RBFOX1: variants seen among roughly 807,000 people sequenced by gnomAD.
RBFOX1 encodes RNA binding fox-1 homolog 1.
RBFOX1 carries 8 observed loss-of-function variants against 57.7 expected under a neutral mutation model. The observed-to-expected ratio is 0.14, with a 90% CI of 0.08 to 0.25. The LOEUF (loss-of-function observed/expected upper bound fraction) is 0.25. Among genes scored for constraint, RBFOX1 ranks in the 10% least tolerant of loss-of-function variants. The pLI is 1.00. For missense variants in RBFOX1, 611 were observed against 548.5 expected, an observed-to-expected ratio of 1.11 and a Z score of -1.14; for synonymous variants, 326 against 222.4, an observed-to-expected ratio of 1.47 and a Z score of -4.15.
At chr16:7,050,153 G>C (rs78865540) in intron 3 of RBFOX1, among the ~76,000 whole-genome samples, 1 of 122,724 alleles carries the variant, frequency 8.1e-6, no homozygotes, top group African/African-American at 4.3e-5. Context: ...TTCAATGTGG[G>C]CTTTTTTTTT....
intron 3 of RBFOX1, among the ~76,000 whole-genome samples, chr16:5,712,795 A>G (rs1007230246): frequency 6.6e-6 from 1 of 152,192 alleles, no homozygotes; most frequent in African/African-American, 2.4e-5. Flanking sequence ...TCTGATCTGC[A>G]TTCCTAGTTT....
intron 3 of RBFOX1, among the ~76,000 whole-genome samples, chr16:5,816,050 G>A (rs2055622486): frequency 6.6e-6 from 1 of 152,202 alleles, no homozygotes; most frequent in Non-Finnish European, 1.5e-5. Context: ...GCTCTGGCTA[G>A]GGCTGATAAG....
At chr16:5,776,731 AC>A (rs748954087) in intron 3 of RBFOX1, among the ~76,000 whole-genome samples, 1 of 152,152 alleles carries the variant, frequency 6.6e-6, no homozygotes, top group Non-Finnish European at 1.5e-5. Flanking sequence ...TGCCTCCAAC[AC>A]CCACAGTGAT....
At chr16:6,223,015 A>G (rs1189078671) in intron 1 of RBFOX1, among the ~76,000 whole-genome samples, 1 of 149,776 alleles carries the variant, frequency 6.7e-6, no homozygotes, top group Non-Finnish European at 1.5e-5. Flanking sequence ...CCATGTCCCT[A>G]CAAAGGACAT....
At chr16:6,241,637 C>T (rs934358135) in intron 1 of RBFOX1, among the ~76,000 whole-genome samples, 1 of 152,172 alleles carries the variant, frequency 6.6e-6, no homozygotes, top group African/African-American at 2.4e-5. Flanking sequence ...AATAGAGTTG[C>T]AACTACAGGG....
chr16:7,211,166 G>A (rs1001238204), intron 4 of RBFOX1, among the ~76,000 whole-genome samples: 2 of 151,446 alleles, frequency 1.3e-5, no homozygotes, highest in African/African-American at 4.9e-5. Context: ...CCGAGGTGGG[G>A]GGATCATGAG....
intron 2 of RBFOX1, among the ~76,000 whole-genome samples, chr16:6,597,447 G>A (rs2097787731): frequency 6.6e-6 from 1 of 152,196 alleles, no homozygotes; most frequent in Non-Finnish European, 1.5e-5. Context: ...GCCGAGGTGG[G>A]CGGATCACAA....
intron 4 of RBFOX1, among the ~76,000 whole-genome samples, chr16:5,937,260 G>T (rs1264909407): frequency 6.6e-6 from 1 of 152,158 alleles, no homozygotes; most frequent in South Asian, 2.1e-4. Context: ...GGATTTACAG[G>T]AGCAAAGGCA....
chr16:7,218,628 C>CTGTGTGTGTGTGTG (rs60333818), intron 4 of RBFOX1, among the ~76,000 whole-genome samples: 68 of 127,530 alleles, frequency 5.3e-4, no homozygotes, highest in Admixed American at 8.2e-4. Flanking sequence ...TGGGGGTTTG[C>CTGTGTGTGTGTGTG]TGTGTGTGTG....
At chr16:7,026,757 A>C (rs746175628) in intron 3 of RBFOX1, among the ~76,000 whole-genome samples, 4 of 152,160 alleles carry the variant, frequency 2.6e-5, no homozygotes, top group Non-Finnish European at 5.9e-5. Context: ...CGAGGCCTCA[A>C]CTTTGTGCTG....
intron 5 of RBFOX1, among the ~76,000 whole-genome samples, chr16:7,547,378 T>G (rs1243414868): frequency 6.6e-6 from 1 of 152,234 alleles, no homozygotes; most frequent in Non-Finnish European, 1.5e-5. Context: ...CCACAGTTTC[T>G]GCAAACATAA....
At chr16:7,695,088 A>G (rs78473543) in intron 14 of RBFOX1, among the ~76,000 whole-genome samples, 5,785 of 152,262 alleles carry the variant, frequency 0.038, 137 homozygotes, top group Non-Finnish European at 0.055. Context: ...CATCTACCTA[A>G]TCTAGATGGC....
Position 5,335,699 on chromosome 16 carries a change from C to T in RBFOX1, c.219+95594C>T, listed in dbSNP as rs546505384. Among the ~76,000 whole-genome samples, 3 of 152,180 alleles carry T rather than the reference C, an allele frequency of 2.0e-5. No individual in the cohort carries two copies. In the South Asian group the frequency reaches 6.2e-4, roughly 32 times the overall value. ...GGTGTGGGGGTGGGAAGGATTTCTC[C>T]CAGTAGATCATAAGCTTTCTGAGGG... On this transcript the variant is annotated intron_variant, in intron 1 of 2. Coordinates refer to the RBFOX1 transcript ENST00000585867.
At chr16:6,735,787 C>T (rs180861265) in intron 3 of RBFOX1, among the ~76,000 whole-genome samples, 9 of 152,278 alleles carry the variant, frequency 5.9e-5, no homozygotes, top group Admixed American at 2.6e-4. Context: ...TCTGTGGTTC[C>T]TCTCCCCCTG....
At chr16:6,106,741 C>A (rs1033787172) in intron 1 of RBFOX1, among the ~76,000 whole-genome samples, 2 of 152,110 alleles carry the variant, frequency 1.3e-5, no homozygotes, top group Non-Finnish European at 2.9e-5. Flanking sequence ...GATCTCAGCT[C>A]ACTGCAAGCT....
chr16:7,054,977 T>C (rs2051616333), intron 4 of RBFOX1, among the ~76,000 whole-genome samples: 1 of 152,202 alleles, frequency 6.6e-6, no homozygotes, highest in African/African-American at 2.4e-5. Context: ...AATTGGCGTA[T>C]CCAATACTTG....
intron 2 of RBFOX1, among the ~76,000 whole-genome samples, chr16:6,571,779 G>A (rs918686003): frequency 1.3e-5 from 2 of 152,182 alleles, no homozygotes; most frequent in Non-Finnish European, 2.9e-5. Context: ...CAGCCACTCA[G>A]TAAATATTTT....
rs2067184628 is a variant in RBFOX1 at position 7,121,541 on chromosome 16, T to C, written c.27+69443T>C. Reference sequence around the variant, plus strand: ...TAAGAGATCTTTATGCTGAAAACTATAAAGTATTTGTGAAATTAAAAAAGC... The same window carrying C: ...TAAGAGATCTTTATGCTGAAAACTACAAAGTATTTGTGAAATTAAAAAAGC... On this transcript the variant is annotated intron_variant, in intron 4 of 15. Coordinates refer to ENST00000550418, the MANE Select transcript of RBFOX1 (RefSeq NM_018723.4). Among the ~76,000 whole-genome samples, 4 of 151,996 alleles carry C rather than the reference T, an allele frequency of 2.6e-5. No homozygotes were observed. The South Asian group carries it at 8.3e-4, about 32-fold the overall frequency.
intron 3 of RBFOX1, among the ~76,000 whole-genome samples, chr16:6,882,698 A>G (rs1296692635): frequency 6.6e-6 from 1 of 152,146 alleles, no homozygotes; most frequent in Non-Finnish European, 1.5e-5. Context: ...ACAACCATTC[A>G]GTTTGGGATA....
Sources: gnomAD v4.1 joint callset for allele counts (sites outside exome capture counted in the v4.1 genomes callset) on GRCh38, gnomAD v4.1.1 for gene constraint, MANE v1.5 for transcripts, NCBI Gene and HGNC (gene_info 2026-07-23, HGNC 2026-07-21) for gene names.